The following KCNC2 variants were observed in gnomAD, a reference collection of about 807,000 sequenced individuals.
KCNC2 encodes potassium voltage-gated channel subfamily C member 2.
Under a neutral mutation model 44.5 loss-of-function variants are expected in KCNC2, and 21 were observed. The ratio of observed to expected loss-of-function variants is 0.47; its 90% CI spans 0.33 to 0.68. KCNC2 has a LOEUF of 0.68. Among genes scored for constraint, KCNC2 ranks in the 30% least tolerant of loss-of-function variants. KCNC2 has a pLI of 0.01. For missense variants in KCNC2, 589 were observed against 826.2 expected (o/e 0.71, Z 3.52); for synonymous variants, 391 against 339.1 (o/e 1.15, Z -1.68).
intron 2 of KCNC2, among the ~76,000 whole-genome samples, chr12:75,140,922 GA>G (rs35836833): frequency 5.3e-5 from 8 of 149,964 alleles, no homozygotes; most frequent in African/African-American, 7.4e-5. Flanking sequence ...AAAAGTGGAG[GA>G]AAAAAAAAGC....
At chr12:75,144,103 CA>C (rs1309854881) in intron 2 of KCNC2, among the ~76,000 whole-genome samples, 1 of 152,058 alleles carries the variant, frequency 6.6e-6, no homozygotes, top group Non-Finnish European at 1.5e-5. Context: ...GGGAAAAAAG[CA>C]GAATACCAGT....
chr12:75,142,953 C>T (rs187947095), intron 2 of KCNC2, among the ~76,000 whole-genome samples: 4 of 152,268 alleles, frequency 2.6e-5, no homozygotes, highest in Non-Finnish European at 5.9e-5. Context: ...CCTCGCACTC[C>T]TTTTACTTTA....
intron 2 of KCNC2, among the ~76,000 whole-genome samples, chr12:75,115,346 GC>G (rs1235239862): frequency 6.6e-6 from 1 of 152,126 alleles, no homozygotes; most frequent in Non-Finnish European, 1.5e-5. Context: ...TATGAGGTAG[GC>G]ATGGTTATTC....
chr12:75,181,713 A>C (rs546708824), intron 2 of KCNC2, among the ~76,000 whole-genome samples: 1 of 152,212 alleles, frequency 6.6e-6, no homozygotes, highest in South Asian at 2.1e-4. Flanking sequence ...CAGCTATGTG[A>C]ACATGTGTAT....
At chr12:75,055,880 G>T (rs1881692865) in intron 2 of KCNC2, among the ~76,000 whole-genome samples, 1 of 151,722 alleles carries the variant, frequency 6.6e-6, no homozygotes, top group Admixed American at 6.6e-5. Flanking sequence ...TGAAAAGTGG[G>T]GTATATTTTT....
chr12:75,081,255 CAAA>C (rs1424042880), intron 2 of KCNC2, among the ~76,000 whole-genome samples: 7 of 151,894 alleles, frequency 4.6e-5, no homozygotes, highest in African/African-American at 1.5e-4. Flanking sequence ...TCTGGCACAT[CAAA>C]AAATTGTAAT....
At chr12:75,200,169 C>T (rs1446525688) in intron 2 of KCNC2, among the ~76,000 whole-genome samples, 1 of 151,696 alleles carries the variant, frequency 6.6e-6, no homozygotes, top group African/African-American at 2.4e-5. Context: ...TGCTGCTTCC[C>T]GACAGCTAAA....
Position 75,050,771 on chromosome 12 carries a change from C to T in KCNC2, c.1234G>A (p.Asp412Asn), listed in dbSNP as rs572944602. Residue 412 changes from aspartate (D) to asparagine (N), a missense_variant, in exon 3 of 5, where the codon GAC becomes AAC. Asp to Asn is a conservative substitution (Grantham distance 23). Around this residue, in one of 7 missense-constraint regions of KCNC2, gnomAD observed 67 missense variants for 237.4 expected, o/e 0.28. Coordinates refer to ENST00000549446, the MANE Select transcript of KCNC2 (RefSeq NM_139137.4). ...YAERVGAQPN[D>N]PSASEHTQFK... ...TGTGTGTGCTCACTAGCTGAAGGGT[C>T]GTTAGGTTGAGCTCCCACTCTCTCG... is the stretch of plus-strand genomic sequence containing the variant. The T allele has an allele frequency of 7.4e-6, 12 of 1,613,294 alleles. No homozygotes were observed. The highest frequency in any genetic ancestry group is 2.2e-5 in the East Asian group (1 of 44,824).
At chr12:75,179,557 C>G (rs1010435748) in intron 2 of KCNC2, among the ~76,000 whole-genome samples, 1 of 151,028 alleles carries the variant, frequency 6.6e-6, no homozygotes, top group East Asian at 1.9e-4. Context: ...ATGTTAGACT[C>G]CATATTTTCA....
intron 2 of KCNC2, among the ~76,000 whole-genome samples, chr12:75,151,317 C>G (rs1890377765): frequency 6.6e-6 from 1 of 151,974 alleles, no homozygotes; most frequent in Non-Finnish European, 1.5e-5. Context: ...AGTCTTCACA[C>G]AAGTTTGCAG....
At chr12:75,068,218 C>A (rs1358997269) in intron 2 of KCNC2, among the ~76,000 whole-genome samples, 1 of 152,180 alleles carries the variant, frequency 6.6e-6, no homozygotes, top group Non-Finnish European at 1.5e-5. Context: ...GCCATAATAA[C>A]TACTGAGTAA....
intron 2 of KCNC2, among the ~76,000 whole-genome samples, chr12:75,068,704 G>A (rs1315788907): frequency 6.6e-6 from 1 of 151,984 alleles, no homozygotes; most frequent in Non-Finnish European, 1.5e-5. Flanking sequence ...CAAATATCAG[G>A]GGAATGTCAA....
intron 2 of KCNC2, among the ~76,000 whole-genome samples, chr12:75,083,227 C>A (rs1231820306): frequency 6.6e-6 from 1 of 151,606 alleles, no homozygotes; most frequent in African/African-American, 2.4e-5. Flanking sequence ...CTGCTGTTTT[C>A]TGTTTGCTAT....
intron 2 of KCNC2, among the ~76,000 whole-genome samples, chr12:75,200,634 T>C (rs2031167672): frequency 6.6e-6 from 1 of 151,762 alleles, no homozygotes; most frequent in South Asian, 2.1e-4. Context: ...ACCCTAAAAA[T>C]AGAAAAATGA....
intron 2 of KCNC2, among the ~76,000 whole-genome samples, chr12:75,133,750 A>G (rs535833547): frequency 1.3e-5 from 2 of 152,156 alleles, no homozygotes; most frequent in South Asian, 4.1e-4. Context: ...ATGCAGATGC[A>G]ATATATGTAA....
intron 2 of KCNC2, among the ~76,000 whole-genome samples, chr12:75,125,532 T>A (rs1305709036): frequency 6.6e-6 from 1 of 152,212 alleles, no homozygotes; most frequent in East Asian, 1.9e-4. Flanking sequence ...TCTTAACTGC[T>A]CTATTTGCAT....
intron 2 of KCNC2, among the ~76,000 whole-genome samples, chr12:75,149,354 C>T (rs1176872652): frequency 6.6e-6 from 1 of 151,678 alleles, no homozygotes; most frequent in Non-Finnish European, 1.5e-5. Flanking sequence ...GCATATTAGC[C>T]ATCTCATTAT....
rs540741484 is a variant in KCNC2 at position 75,107,319 on chromosome 12, A to G, written c.688-56002T>C. The stretch of plus-strand genomic sequence containing the variant: ...ACTCCATCTCAAAAAAATAAATAAT[A>G]ATGGCAATAATAATAACAATAACAA... On this transcript the variant is annotated intron_variant, in intron 2 of 4. Coordinates refer to ENST00000549446, the MANE Select transcript of KCNC2 (RefSeq NM_139137.4). Among the ~76,000 whole-genome samples the G allele has an allele frequency of 1.6e-4, 24 of 152,268 alleles. 1 individual carries two copies. The highest frequency in any genetic ancestry group is 1.2e-3 in the South Asian group (6 of 4,814).
chr12:75,167,818 A>G (rs1264991323), intron 2 of KCNC2, among the ~76,000 whole-genome samples: 3 of 151,334 alleles, frequency 2.0e-5, no homozygotes, highest in Non-Finnish European at 4.4e-5. Context: ...ATTTTATAAT[A>G]AAATTGAATC....
Sources: gnomAD v4.1 joint callset for allele counts (sites outside exome capture counted in the v4.1 genomes callset) on GRCh38, gnomAD v4.1.1 for gene constraint, gnomAD v4.1.1 regional missense constraint, MANE v1.5 for transcripts, NCBI Gene and HGNC (gene_info 2026-07-23, HGNC 2026-07-21) for gene names.